WDR86: variants seen among roughly 807,000 people sequenced by gnomAD.
The protein encoded by WDR86 is WD repeat-containing protein 86.
A neutral mutation model predicts 36.5 loss-of-function variants in WDR86; 30 were observed. The observed-to-expected ratio is 0.82, with a 90% confidence interval of 0.61 to 1.11. WDR86 has a LOEUF of 1.11. Ranked by LOEUF, WDR86 falls within the 50% of genes most tolerant of loss-of-function variation. The pLI, the probability that WDR86 is intolerant of heterozygous loss-of-function variation, is 0.00. For missense variants in WDR86, 545 were observed against 561.2 expected, an observed-to-expected ratio of 0.97 and a Z score of 0.29; for synonymous variants, 255 against 252.9, an observed-to-expected ratio of 1.01 and a Z score of -0.08.
chr7:151,409,569 GGCCGACCC>G lies in WDR86; in HGVS notation c.13_20del (p.Gly5ProfsTer50), dbSNP rs1355108713. ...CGCGGTGGTCGGCGCAGACCCTCAG[GGCCGACCC>G]GCCGCCCCCCATCCCGCTGGCAGGG... On this transcript the variant is annotated frameshift_variant, in exon 1 of 6. Transcript: ENST00000334493. LOFTEE classifies it high-confidence loss of function. The surrounding 1 kb of genome is among the most constrained non-coding windows in gnomAD (Gnocchi z 5.2). 1.4e-6 allele frequency: 2 copies of G among 1,420,128 alleles called. No individual in the cohort carries two copies. The highest frequency in any genetic ancestry group is 1.8e-6 in the Non-Finnish European group (2 of 1,090,324). The allele number at this position is 1,420,128 out of a possible 1,614,324, so 88.0% of individuals were successfully genotyped here. A position where few individuals can be genotyped will look rare whatever the true frequency, so the allele number is the denominator to read the frequency against.
intron 1 of WDR86, among the ~76,000 whole-genome samples, chr7:151,407,539 T>C (rs1186217562): frequency 6.6e-6 from 1 of 152,164 alleles, no homozygotes; most frequent in African/African-American, 2.4e-5. Context: ...CAAAAGCTTG[T>C]TAGAAATGCC....
downstream of WDR86, chr7:151,374,002 TGCC>T: frequency 7.2e-7 from 1 of 1,386,422 alleles, no homozygotes; most frequent in Non-Finnish European, 9.6e-7. Context: ...TTTTTGGCTT[TGCC>T]TGGAAATGCG....
intron 1 of WDR86, 99 bp from the exon 2 acceptor site, chr7:151,400,340 AG>A (rs1563062999): frequency 7.6e-7 from 1 of 1,314,782 alleles, no homozygotes; most frequent in South Asian, 1.7e-5. Context: ...AGCAGGATGT[AG>A]GGAGTGTTTG....
upstream of WDR86, among the ~76,000 whole-genome samples, chr7:151,410,238 G>T (rs760481259): frequency 1.1e-4 from 16 of 152,216 alleles, no homozygotes; most frequent in Non-Finnish European, 1.9e-4. Flanking sequence ...CGCCGCCGCC[G>T]CCTGGGTCCC....
chr7:151,370,764 A>G, the WDR86 span, among the ~76,000 whole-genome samples: 5 of 144,228 alleles, frequency 3.5e-5, no homozygotes, highest in African/African-American at 7.8e-5. Flanking sequence ...TCATTGTTCA[A>G]TTCCCACCTG....
intron 2 of WDR86, among the ~76,000 whole-genome samples, chr7:151,396,765 T>C (rs1799854086): frequency 6.6e-6 from 1 of 152,124 alleles, no homozygotes; most frequent in Admixed American, 6.5e-5. Flanking sequence ...CCAGGGGTGC[T>C]TGTGGGAGGC....
intron 4 of WDR86, among the ~76,000 whole-genome samples, chr7:151,383,769 G>A (rs189578202): frequency 1.3e-5 from 2 of 152,324 alleles, no homozygotes; most frequent in African/African-American, 2.4e-5. Flanking sequence ...TGAGCTCCCC[G>A]CGGGTGGGAA....
Position 151,381,256 on chromosome 7 carries a change from C to T in WDR86, c.*326G>A. The T allele has an allele frequency of 7.6e-7, 1 of 1,307,548 alleles. No individual in the cohort carries two copies. Among genetic ancestry groups the T allele is most frequent in the Non-Finnish European group, 9.7e-7 (1 of 1,032,764 alleles). The allele number at this position is 1,307,548 out of a possible 1,614,324, so 81.0% of individuals were successfully genotyped here. On this transcript the variant is annotated 3_prime_UTR_variant, in exon 6 of 6. Coordinates refer to ENST00000334493, the MANE Select transcript of WDR86 (RefSeq NM_198285.3). The surrounding 1 kb of genome is among the most constrained non-coding windows in gnomAD (Gnocchi z 4.8). ...GCAGGAAAGGCCCAGTTTCGTGGGG[C>T]TGGGGGAGCTGGGGCAGTCCGCCTG... is the stretch of plus-strand genomic sequence containing the variant.
chr7:151,388,230 A>G lies in WDR86; in HGVS notation c.727-3007T>C, dbSNP rs368775738. ...ATTTGAAATGCTTCGTTTCTTTAAA[A>G]TCACAATGTTGCTATCTGATTTCAA... On this transcript the variant is annotated intron_variant, in intron 3 of 5. Coordinates refer to ENST00000334493, the MANE Select transcript of WDR86 (RefSeq NM_198285.3). This position sits in a 1 kb window ranked among gnomAD's most constrained non-coding sequence, Gnocchi z 4.2. Among the ~76,000 whole-genome samples the G allele has an allele frequency of 2.0e-3, 305 of 152,374 alleles. No homozygotes were observed. The highest frequency in any genetic ancestry group is 3.8e-3 in the Non-Finnish European group (257 of 68,034).
chr7:151,373,962 GA>G (rs1406318077), downstream of WDR86: 3 of 952,814 alleles, frequency 3.1e-6, no homozygotes, highest in African/African-American at 5.0e-5. Flanking sequence ...AGGAGAGGTA[GA>G]AAGAGGGCCC....
At position 151,401,903 on chromosome 7, in the gene WDR86, G is replaced by C. The variant is rs576246547; in HGVS notation, c.164-1662C>G. Among the ~76,000 whole-genome samples, 3 of 150,828 alleles carry C rather than the reference G, an allele frequency of 2.0e-5. No homozygotes were observed. The South Asian group carries it at 6.3e-4, about 32-fold the overall frequency. ...TCTCTACTAAAAATACAAAAAATTAGCCGGGCGTGGTGGTGGGCGCCTGTA... is the reference window on the plus strand; with the variant it reads ...TCTCTACTAAAAATACAAAAAATTACCCGGGCGTGGTGGTGGGCGCCTGTA... On this transcript the variant is annotated intron_variant, in intron 1 of 5. Transcript: ENST00000334493. This position sits in a 1 kb window ranked among gnomAD's most constrained non-coding sequence, Gnocchi z 4.3.
chr7:151,391,047 G>T (rs532337206), intron 3 of WDR86, among the ~76,000 whole-genome samples: 9 of 152,362 alleles, frequency 5.9e-5, no homozygotes, highest in African/African-American at 2.2e-4. Context: ...GATCCTGTGG[G>T]TCCCCCTCCT....
chr7:151,371,597 G>C (rs558017380), downstream of WDR86, among the ~76,000 whole-genome samples: 1 of 152,260 alleles, frequency 6.6e-6, no homozygotes, highest in East Asian at 1.9e-4. Context: ...CCTCAGGGAG[G>C]GGTAGAATGG....
At chr7:151,402,397 A>G (rs1194332539) in intron 1 of WDR86, among the ~76,000 whole-genome samples, 14 of 152,236 alleles carry the variant, frequency 9.2e-5, no homozygotes, top group Admixed American at 6.5e-4. Flanking sequence ...GGACACTAAC[A>G]TAGACACAGA....
Position 151,395,990 on chromosome 7 carries a change from G to C in WDR86, c.512C>G (p.Thr171Arg). The change falls in exon 3 of 6, where the codon ACA (threonine) becomes AGA (arginine). Residue 171 changes from threonine to arginine, a missense_variant. Thr to Arg is a moderately conservative substitution (Grantham distance 71). Coordinates refer to ENST00000334493, the MANE Select transcript of WDR86 (RefSeq NM_198285.3). ...AAGGLLVTGS[T>R]DGTAKVWQVA... ...CTGCCACACCTTGGCTGTGCCATCT[G>C]TGCTGCCGGTCACCAGAAGCCCCCC... The C allele has an allele frequency of 1.3e-6, 2 of 1,598,900 alleles. No individual in the cohort carries two copies. The highest frequency in any genetic ancestry group is 3.3e-4 in the Middle Eastern group (2 of 6,000).
rs937380016 is a variant in WDR86 at position 151,396,516 on chromosome 7, AG to A, written c.306-321del. Reference sequence around the variant, plus strand: ...AGCAGCGGGAAGGGGATGGGGGAGGAGGTAGGGGAGCAGCGGGAAGCGGGTG... The same window carrying A: ...AGCAGCGGGAAGGGGATGGGGGAGGAGTAGGGGAGCAGCGGGAAGCGGGTG... On this transcript the variant is annotated intron_variant, in intron 2 of 5. Coordinates refer to ENST00000334493, the MANE Select transcript of WDR86 (RefSeq NM_198285.3). Among the ~76,000 whole-genome samples the A allele has an allele frequency of 8.8e-4, 134 of 151,456 alleles. 1 individual carries two copies. The highest frequency in any genetic ancestry group is 2.9e-3 in the African/African-American group (122 of 41,376).
At position 151,402,091 on chromosome 7, in the gene WDR86, A is replaced by C. The variant is rs191625263; in HGVS notation, c.164-1850T>G. On this transcript the variant is annotated intron_variant, in intron 1 of 5. Transcript: ENST00000334493. ...AAAAAATATATATATATATATATAT[A>C]TCTCCACAAATGTCCTTACAAGAGA... Among the ~76,000 whole-genome samples the C allele has an allele frequency of 2.5e-3, 310 of 124,184 alleles. 9 individuals are homozygous for C. Among genetic ancestry groups the C allele is most frequent in the African/African-American group, 9.5e-3 (294 of 30,842 alleles). The allele number at this position is 124,184 out of a possible 152,430, so 81.5% of individuals were successfully genotyped here. A position where few individuals can be genotyped will look rare whatever the true frequency, so the allele number is the denominator to read the frequency against.
At position 151,381,887 on chromosome 7, in the gene WDR86, G is replaced by A. The variant is rs1374819008; in HGVS notation, c.957C>T (p.Asn319=). The A allele has an allele frequency of 1.5e-5, 24 of 1,609,508 alleles. No homozygotes were observed. Among genetic ancestry groups the A allele is most frequent in the Non-Finnish European group, 2.0e-5 (24 of 1,178,334 alleles). ...GGGCAGAGGGACCTACCTGGATGCA[G>A]TTGATGATGAATGTGTGGCCCCGGA... The part of the protein sequence containing the change: ...RVFRGHTFII[N]CIQVHGQVLY... The change falls in exon 5 of 6, where the codon AAC becomes AAT. Residue 319 remains asparagine (N), a synonymous_variant. Coordinates refer to ENST00000334493, the MANE Select transcript of WDR86 (RefSeq NM_198285.3). This position sits in a 1 kb window ranked among gnomAD's most constrained non-coding sequence, Gnocchi z 4.8.
chr7:151,395,712 G>A (rs1799769359), intron 3 of WDR86, 64 bp downstream of exon 3: 1 of 1,473,576 alleles, frequency 6.8e-7, no homozygotes, highest in Non-Finnish European at 9.1e-7. Flanking sequence ...CCCAGGGCAG[G>A]GCGGCAGTGC....
Sources: gnomAD v4.1 joint callset for allele counts (sites outside exome capture counted in the v4.1 genomes callset) on GRCh38, gnomAD v4.1.1 for gene constraint, Gnocchi (gnomAD v3.1) non-coding constraint, MANE v1.5 for transcripts, NCBI Gene and HGNC (gene_info 2026-07-23, HGNC 2026-07-21) for gene names.